PIN4: variants seen among roughly 807,000 people sequenced by gnomAD.
The protein encoded by PIN4 is peptidylprolyl cis/trans isomerase, NIMA-interacting 4.
In PIN4, 3 loss-of-function variants were observed where a neutral mutation model predicts 8.3. That is an observed-to-expected ratio of 0.36 (90% confidence interval 0.16 to 0.93). The LOEUF is 0.93. PIN4 is among the 40% of genes least tolerant of loss of function. The pLI, the probability that PIN4 is intolerant of heterozygous loss-of-function variation, is 0.44. For missense variants in PIN4, 75 were observed against 100.6 expected, an observed-to-expected ratio of 0.75 and a Z score of 1.09; for synonymous variants, 18 against 32.5, an observed-to-expected ratio of 0.55 and a Z score of 1.52.
At chrX:72,202,387 A>G (rs908011635), downstream of PIN4, among the ~76,000 whole-genome samples, 1 of 112,581 alleles carries the variant, frequency 8.9e-6, no homozygotes, top group Non-Finnish European at 1.9e-5. Context: ...TAGGACTTAG[A>G]CGCTTCACTG....
chrX:72,213,554 T>G (rs1051362782), intron 3 of PIN4, among the ~76,000 whole-genome samples: 1 of 111,958 alleles, frequency 8.9e-6, no homozygotes, highest in African/African-American at 3.2e-5. Context: ...ACCACTGCTG[T>G]TTGCCACCGT....
At chrX:72,203,454 A>G (rs2042799194) in intron 3 of PIN4, among the ~76,000 whole-genome samples, 2 of 111,668 alleles carry the variant, frequency 1.8e-5, no homozygotes, top group African/African-American at 6.5e-5. Flanking sequence ...TGACGTCTGA[A>G]GTGAGGGCAG....
chrX:72,206,087 T>C (rs923557190), intron 3 of PIN4: 1 of 1,209,438 alleles, frequency 8.3e-7, no homozygotes, highest in African/African-American at 1.7e-5. Context: ...GGCCAAGGAT[T>C]GCAATGACGT....
chrX:72,234,591 T>C lies in PIN4; in HGVS notation c.313-28116T>C, dbSNP rs1262790962. ...ATGAAAATAGGATCAAGAGAGGATT[T>C]TTTTTTTTAACAATGAAAGAATTGG... On this transcript the variant is annotated intron_variant, in intron 3 of 3. Transcript: ENST00000423432. Among the ~76,000 whole-genome samples the C allele has an allele frequency of 6.3e-5, 7 of 111,515 alleles. No individual in the cohort carries two copies. In the Admixed American group the frequency reaches 6.7e-4, roughly 11 times the overall value.
intron 1 of PIN4, chrX:72,186,123 G>A (rs781162671): frequency 1.4e-5 from 4 of 277,148 alleles, no homozygotes; most frequent in Admixed American, 1.0e-4. Flanking sequence ...TCCAACCCAC[G>A]GCCCACGGGC....
At chrX:72,204,150 CTT>C (rs957039130) in intron 3 of PIN4, among the ~76,000 whole-genome samples, 5 of 112,276 alleles carry the variant, frequency 4.5e-5, no homozygotes, top group Non-Finnish European at 9.4e-5. Flanking sequence ...CAGAAGTGTT[CTT>C]GATTGTGGAG....
intron 3 of PIN4, among the ~76,000 whole-genome samples, chrX:72,211,355 GAGA>G (rs200323137): frequency 0.03 from 3,284 of 111,008 alleles, 54 homozygotes; most frequent in Non-Finnish European, 0.049. Context: ...AGAGAACAAG[GAGA>G]AGAATAGTGC....
intron 3 of PIN4, chrX:72,262,665 G>A (rs1163088599): frequency 1.1e-6 from 1 of 910,757 alleles, no homozygotes. Flanking sequence ...TAGCAATCAG[G>A]TTACAATTGA....
chrX:72,186,217 AT>A (rs201019008), intron 1 of PIN4: 49,372 of 283,301 alleles, frequency 0.17, 1 homozygote, highest in East Asian at 0.21. Flanking sequence ...TTTATTTGTG[AT>A]TTTTTTTTTT....
intron 3 of PIN4, chrX:72,207,056 A>G (rs777793094): frequency 2.5e-6 from 3 of 1,211,886 alleles, no homozygotes; most frequent in Non-Finnish European, 3.3e-6. Context: ...CCAATTCGGT[A>G]AACTCTATCC....
chrX:72,244,108 G>A (rs144432214), intron 3 of PIN4, among the ~76,000 whole-genome samples: 2 of 112,275 alleles, frequency 1.8e-5, no homozygotes, highest in African/African-American at 3.2e-5. Flanking sequence ...AGATGGTCAC[G>A]TAAGGATCCA....
intron 3 of PIN4, among the ~76,000 whole-genome samples, chrX:72,231,284 A>G (rs771014613): frequency 2.5e-4 from 28 of 112,224 alleles, no homozygotes; most frequent in African/African-American, 7.7e-4. Context: ...GAATGAACCT[A>G]AAAGACATTT....
In PIN4 at chrX:72,239,158, G is replaced by A; in HGVS notation, c.313-23549G>A. On this transcript the variant is annotated intron_variant, in intron 3 of 3. Transcript: ENST00000423432. The stretch of plus-strand genomic sequence containing the variant: ...GGGCGCCTGCGCCTACGCGCGCCGG[G>A]AAGCAGAAGGTGATCTCTGCCTTCG... The A allele has an allele frequency of 7.8e-6, 3 of 385,187 alleles. No homozygotes were observed. The South Asian group carries it at 1.2e-4, about 16-fold the overall frequency. 31.7% of individuals were successfully genotyped at this position (385,187 alleles called of 1,213,427 possible). A position where few individuals can be genotyped will look rare whatever the true frequency, so the allele number is the denominator to read the frequency against.
At chrX:72,257,149 T>C (rs1294247037) in intron 3 of PIN4, among the ~76,000 whole-genome samples, 1 of 110,458 alleles carries the variant, frequency 9.1e-6, no homozygotes, top group African/African-American at 3.3e-5. Flanking sequence ...TGAAACCCCG[T>C]CTCTACTAAA....
At chrX:72,263,441 C>T (rs990888221) in exon 4 of PIN4, 1 of 111,712 alleles carries the variant, frequency 9.0e-6, no homozygotes, top group African/African-American at 3.3e-5. Flanking sequence ...AGGAGACGCC[C>T]AGGGAGCAGG....
chrX:72,188,380 G>A (rs755222857), intron 2 of PIN4, among the ~76,000 whole-genome samples: 117 of 110,186 alleles, frequency 1.1e-3, no homozygotes, highest in African/African-American at 3.4e-3. Context: ...TTTTTGAGAC[G>A]GAGTTTCACT....
chrX:72,219,426 C>T (rs955159420), intron 3 of PIN4, among the ~76,000 whole-genome samples: 4 of 108,584 alleles, frequency 3.7e-5, no homozygotes, highest in East Asian at 5.7e-4. Context: ...TGGTGGCCTG[C>T]GCCTGAAATC....
intron 1 of PIN4, among the ~76,000 whole-genome samples, chrX:72,185,980 G>A (rs761063133): frequency 1.8e-5 from 2 of 111,725 alleles, no homozygotes; most frequent in African/African-American, 6.5e-5. Flanking sequence ...CCAGGCTTCC[G>A]GAGCTTTCAT....
At chrX:72,251,890 A>G (rs1040848651) in intron 3 of PIN4, among the ~76,000 whole-genome samples, 10 of 110,640 alleles carry the variant, frequency 9.0e-5, no homozygotes, top group Non-Finnish European at 1.5e-4. Context: ...GATTGCACCA[A>G]TGTACTCCAG....
Sources: gnomAD v4.1 joint callset for allele counts (sites outside exome capture counted in the v4.1 genomes callset) on GRCh38, gnomAD v4.1.1 for gene constraint, MANE v1.5 for transcripts, NCBI Gene and HGNC (gene_info 2026-07-23, HGNC 2026-07-21) for gene names.